TPM3: variants seen among roughly 807,000 people sequenced by gnomAD.
TPM3 encodes the protein tropomyosin 3.
TPM3 carries 16 observed loss-of-function variants against 43.1 expected under a neutral mutation model. The observed-to-expected ratio is 0.37, with a 90% confidence interval of 0.25 to 0.56. The LOEUF is 0.56. Ranked by LOEUF, TPM3 falls within the 20% of genes least tolerant of loss-of-function variation. The pLI, the probability that TPM3 is intolerant of heterozygous loss-of-function variation, is 0.77. For synonymous variants in TPM3, 101 were observed against 116.9 expected (o/e 0.86, Z 0.88); for missense variants, 176 against 337.2 (o/e 0.52, Z 3.74).
rs1241907622 is a variant in TPM3 at position 154,165,807 on chromosome 1, G to GA, written c.*2129dup. ...TCCGTCTCAAAAAAAAAAAAAAAAA[G>GA]AAAAAAAGAAAAAAGTTTTAACATG... On this transcript the variant is annotated 3_prime_UTR_variant, in exon 10 of 10. Coordinates refer to ENST00000651641, the MANE Select transcript of TPM3 (RefSeq NM_152263.4). Among the ~76,000 whole-genome samples the GA allele has an allele frequency of 2.1e-5, 3 of 143,454 alleles. No homozygotes were observed. The highest frequency in any genetic ancestry group is 7.7e-5 in the African/African-American group (3 of 38,896). The allele number at this position is 143,454 out of a possible 152,430, so 94.1% of individuals were successfully genotyped here. A position where few individuals can be genotyped will look rare whatever the true frequency, so the allele number is the denominator to read the frequency against.
chr1:154,166,748 C>A lies in TPM3; in HGVS notation c.*1189G>T. 1.1e-6 allele frequency: 1 copy of A among 943,160 alleles called. No individual in the cohort carries two copies. The highest frequency in any genetic ancestry group is 1.3e-6 in the Non-Finnish European group (1 of 792,540). 58.4% of individuals were successfully genotyped at this position (943,160 alleles called of 1,614,324 possible). On this transcript the variant is annotated 3_prime_UTR_variant, in exon 10 of 10. Transcript: ENST00000651641. ...CCAGGCTGGAATGCAGTGGCGCGAT[C>A]TCCGCTCACTGCAACCTCCGCCTCC...
chr1:154,174,536 T>C (rs1289328390), intron 3 of TPM3, among the ~76,000 whole-genome samples: 1 of 149,200 alleles, frequency 6.7e-6, no homozygotes, highest in Non-Finnish European at 1.5e-5. Context: ...CTTTCTTTTT[T>C]TTTTTTTGAG....
intron 3 of TPM3, among the ~76,000 whole-genome samples, chr1:154,174,364 A>ATGTGTG (rs201374790): frequency 3.8e-4 from 21 of 55,278 alleles, no homozygotes; most frequent in African/African-American, 7.9e-4. Flanking sequence ...ATTTAAATAT[A>ATGTGTG]TGTGTATATA....
intron 3 of TPM3, among the ~76,000 whole-genome samples, chr1:154,174,341 AT>A (rs1186519060): frequency 3.6e-5 from 5 of 137,266 alleles, no homozygotes; most frequent in Non-Finnish European, 6.2e-5. Flanking sequence ...TCTCAAAAAA[AT>A]AAATAAATAT....
At chr1:154,160,070 C>T (rs1224263039), downstream of TPM3, among the ~76,000 whole-genome samples, 3 of 145,812 alleles carry the variant, frequency 2.1e-5, no homozygotes, top group Admixed American at 1.4e-4. Context: ...GCTAAGTGCT[C>T]AAATCTAATA....
rs546312893 is a variant in TPM3, at chr1:154,163,550, G to A, written c.*4387C>T. Among the ~76,000 whole-genome samples the A allele has an allele frequency of 1.2e-4, 18 of 152,134 alleles. No homozygotes were observed. Among genetic ancestry groups the A allele is most frequent in the South Asian group, 4.1e-4 (2 of 4,826 alleles). ...AAAACCACTAGAAAGCATCCAACCCGGAACTTTTTAAAGAACTACTCAACC... is the reference window on the plus strand; with the variant it reads ...AAAACCACTAGAAAGCATCCAACCCAGAACTTTTTAAAGAACTACTCAACC... On this transcript the variant is annotated 3_prime_UTR_variant, in exon 10 of 10. Coordinates refer to ENST00000651641, the MANE Select transcript of TPM3 (RefSeq NM_152263.4).
intron 9 of TPM3, among the ~76,000 whole-genome samples, chr1:154,168,937 C>T (rs552766303): frequency 5.0e-4 from 76 of 151,520 alleles, no homozygotes; most frequent in African/African-American, 1.7e-3. Flanking sequence ...CAGATTCAAG[C>T]GATTCTCCTG....
intron 2 of TPM3, among the ~76,000 whole-genome samples, chr1:154,180,975 C>T (rs945483710): frequency 2.0e-5 from 3 of 151,896 alleles, no homozygotes; most frequent in Non-Finnish European, 4.4e-5. Flanking sequence ...CTTAGAACTA[C>T]TCCTAGAATG....
At chr1:154,186,311 A>C (rs911138666) in intron 2 of TPM3, among the ~76,000 whole-genome samples, 1 of 151,488 alleles carries the variant, frequency 6.6e-6, no homozygotes, top group Non-Finnish European at 1.5e-5. Flanking sequence ...AAAGCAGCAG[A>C]AGACCTCATC....
chr1:154,183,023 G>A, intron 2 of TPM3: 1 of 1,609,600 alleles, frequency 6.2e-7, no homozygotes, highest in Non-Finnish European at 8.5e-7. Flanking sequence ...TCAACTTCTC[G>A]CTGGAGGCGC....
At chr1:154,157,467 G>A, downstream of TPM3, 4 of 724,566 alleles carry the variant, frequency 5.5e-6, no homozygotes, top group Non-Finnish European at 5.0e-6. Flanking sequence ...TCTCCGGGAA[G>A]AGGCAGAGAC....
chr1:154,183,452 C>T (rs1468809322), intron 2 of TPM3, among the ~76,000 whole-genome samples: 2 of 152,190 alleles, frequency 1.3e-5, no homozygotes, highest in Non-Finnish European at 2.9e-5. Context: ...CCTCTCCCGC[C>T]AGGCTGGCTG....
intron 2 of TPM3, among the ~76,000 whole-genome samples, chr1:154,186,791 A>G (rs1044720320): frequency 6.6e-6 from 1 of 151,638 alleles, no homozygotes; most frequent in Non-Finnish European, 1.5e-5. Context: ...AGACAAATTT[A>G]GGGAGGAAAA....
downstream of TPM3, chr1:154,156,771 T>C (rs1659846904): frequency 5.0e-6 from 1 of 199,686 alleles, no homozygotes; most frequent in Admixed American, 6.0e-5. Flanking sequence ...GACAGCAGCT[T>C]CAAACCCAGA....
intron 2 of TPM3, 38 bp downstream of exon 2, chr1:154,191,148 T>G: frequency 6.2e-7 from 1 of 1,613,998 alleles, no homozygotes; most frequent in Non-Finnish European, 8.5e-7. Flanking sequence ...GATCTATATG[T>G]GTAGATTAAA....
rs777914811 is a variant in TPM3 at position 154,191,141 on chromosome 1, C to A, written c.243+45G>T. ...TTTCGTCATACATTAACATAAAGAT[C>A]TATATGTGTAGATTAAACCCATCCT... On this transcript the variant is annotated intron_variant, in intron 2 of 9. Coordinates refer to ENST00000651641, the MANE Select transcript of TPM3 (RefSeq NM_152263.4). 8 of 1,613,818 alleles carry A rather than the reference C, an allele frequency of 5.0e-6. No homozygotes were observed. In the Admixed American group the frequency reaches 1.3e-4, roughly 27 times the overall value.
downstream of TPM3, among the ~76,000 whole-genome samples, chr1:154,160,498 T>A (rs949694768): frequency 6.6e-6 from 1 of 152,170 alleles, no homozygotes; most frequent in Non-Finnish European, 1.5e-5. Flanking sequence ...CTAAAAATAA[T>A]AGCTGTATTA....
chr1:154,190,544 G>T (rs1200273810), intron 2 of TPM3, among the ~76,000 whole-genome samples: 1 of 152,208 alleles, frequency 6.6e-6, no homozygotes, highest in East Asian at 1.9e-4. Context: ...GTCATAGAGT[G>T]AAGTCTGGTG....
chr1:154,187,540 CT>C, intron 2 of TPM3: 1 of 982,488 alleles, frequency 1.0e-6, no homozygotes, highest in Non-Finnish European at 1.2e-6. Flanking sequence ...GAAGAAACTT[CT>C]TTCAAATGAA....
Sources: gnomAD v4.1 joint callset for allele counts (sites outside exome capture counted in the v4.1 genomes callset) on GRCh38, gnomAD v4.1.1 for gene constraint, MANE v1.5 for transcripts, NCBI Gene and HGNC (gene_info 2026-07-23, HGNC 2026-07-21) for gene names.